ROBO2: variants seen among roughly 807,000 people sequenced by gnomAD.
ROBO2 encodes the protein roundabout homolog 2.
In ROBO2, 53 loss-of-function variants were observed where a neutral mutation model predicts 160.8. The ratio of observed to expected loss-of-function variants is 0.33; its 90% CI spans 0.26 to 0.41. The LOEUF (loss-of-function observed/expected upper bound fraction) is 0.41, where lower values mean the gene tolerates loss of function less well. Among genes scored for constraint, ROBO2 ranks in the 10% least tolerant of loss-of-function variants. The probability of loss-of-function intolerance (pLI) is 1.00; values close to 1 mark genes in which losing one functional copy is unlikely to be tolerated. For synonymous variants in ROBO2, 664 were observed against 611.7 expected, an observed-to-expected ratio of 1.09 and a Z score of -1.26; for missense variants, 1,577 against 1,722.4, an observed-to-expected ratio of 0.92 and a Z score of 1.49.
intron 2 of ROBO2, among the ~76,000 whole-genome samples, chr3:75,941,807 C>G (rs1948067888): frequency 6.6e-6 from 1 of 152,058 alleles, no homozygotes; most frequent in African/African-American, 2.4e-5. Flanking sequence ...CTTTGTTGTC[C>G]TATTTAGCAA....
At chr3:76,977,471 G>A (rs1222386430) in intron 2 of ROBO2, among the ~76,000 whole-genome samples, 2 of 152,032 alleles carry the variant, frequency 1.3e-5, no homozygotes, top group East Asian at 3.9e-4. Flanking sequence ...TTTTCTTTAT[G>A]GAAAACAATA....
intron 1 of ROBO2, among the ~76,000 whole-genome samples, chr3:77,047,010 G>A (rs999200893): frequency 2.0e-5 from 3 of 152,164 alleles, no homozygotes; most frequent in African/African-American, 7.2e-5. Context: ...AGAAGGAATA[G>A]GTGATTTCCA....
At chr3:77,514,635 A>G (rs570336252) in intron 5 of ROBO2, among the ~76,000 whole-genome samples, 9 of 151,886 alleles carry the variant, frequency 5.9e-5, no homozygotes, top group African/African-American at 1.7e-4. Context: ...CTGTGCAATT[A>G]TATGTAAAGC....
At chr3:76,448,419 A>G (rs969755766) in intron 2 of ROBO2, among the ~76,000 whole-genome samples, 1 of 152,134 alleles carries the variant, frequency 6.6e-6, no homozygotes, top group African/African-American at 2.4e-5. Flanking sequence ...TATGTCTGAG[A>G]TAATGAGCAC....
intron 2 of ROBO2, among the ~76,000 whole-genome samples, chr3:76,462,698 C>T (rs1313718936): frequency 6.6e-6 from 1 of 151,604 alleles, no homozygotes; most frequent in African/African-American, 2.4e-5. Flanking sequence ...TTTATTTCAG[C>T]TGGACTTTAT....
Position 76,924,077 on chromosome 3 carries a change from G to A in ROBO2, c.110-173937G>A, listed in dbSNP as rs150426390. ...GAATAAACTGCTTAAGAATTTGAGC[G>A]ACAGTATGTAGACCATCAAGTTGTA... On this transcript the variant is annotated intron_variant, in intron 2 of 26. Coordinates refer to the ROBO2 transcript ENST00000487694. Among the ~76,000 whole-genome samples the A allele has an allele frequency of 1.0e-3, 154 of 152,218 alleles. 2 individuals carry two copies. The highest frequency in any genetic ancestry group is 1.8e-4 in the Non-Finnish European group (12 of 68,022).
intron 2 of ROBO2, among the ~76,000 whole-genome samples, chr3:76,200,862 A>AC (rs5850238): frequency 0.045 from 6,797 of 152,214 alleles, 404 homozygotes; most frequent in East Asian, 0.22. Flanking sequence ...GAGCCAGCTC[A>AC]CACGTTAGAT....
chr3:76,661,255 A>G (rs757857141), intron 2 of ROBO2, among the ~76,000 whole-genome samples: 4 of 152,208 alleles, frequency 2.6e-5, no homozygotes, highest in South Asian at 2.1e-4. Context: ...GAAAGATTGA[A>G]CAAGAAATTT....
rs911084086 is a variant in ROBO2, at chr3:76,147,367, G to A, written c.109+209765G>A. The stretch of plus-strand genomic sequence containing the variant: ...TTGTTTATAATTTTTAATAATTAAG[G>A]AATCAATATTAATTATCTTATTAAT... On this transcript the variant is annotated intron_variant, in intron 2 of 26. Transcript: ENST00000487694. Among the ~76,000 whole-genome samples, 164 of 124,104 alleles carry A rather than the reference G, an allele frequency of 1.3e-3. 1 individual carries two copies. Among genetic ancestry groups the A allele is most frequent in the African/African-American group, 4.1e-3 (158 of 38,690 alleles). The allele number at this position is 124,104 out of a possible 152,430, so 81.4% of individuals were successfully genotyped here.
chr3:76,272,915 A>AAATATATATATTTATATAT (rs1559706265), intron 2 of ROBO2, among the ~76,000 whole-genome samples: 2 of 14,522 alleles, frequency 1.4e-4, no homozygotes, highest in African/African-American at 2.3e-4. Flanking sequence ...ATTTATATAT[A>AAATATATATATTTATATAT]AAATATATAT....
At chr3:77,146,355 C>G (rs909411499) in intron 2 of ROBO2, among the ~76,000 whole-genome samples, 19 of 152,066 alleles carry the variant, frequency 1.2e-4, no homozygotes, top group Non-Finnish European at 2.4e-4. Context: ...ACCCAGCGAG[C>G]AGGGAAACTG....
chr3:77,278,870 A>G (rs2060060194), intron 2 of ROBO2, among the ~76,000 whole-genome samples: 1 of 152,118 alleles, frequency 6.6e-6, no homozygotes, highest in South Asian at 2.1e-4. Context: ...TTAAATTCAA[A>G]CTCAGACTCT....
intron 2 of ROBO2, among the ~76,000 whole-genome samples, chr3:76,950,484 A>T (rs1050500539): frequency 6.6e-6 from 1 of 152,168 alleles, no homozygotes; most frequent in Non-Finnish European, 1.5e-5. Flanking sequence ...ACTTATTTCC[A>T]GTCAATTATA....
intron 2 of ROBO2, among the ~76,000 whole-genome samples, chr3:76,224,922 C>G (rs1245457063): frequency 6.6e-6 from 1 of 152,108 alleles, no homozygotes; most frequent in Non-Finnish European, 1.5e-5. Flanking sequence ...TAACTGTGAG[C>G]AATCTTTTTA....
chr3:76,602,494 A>G (rs559714787), intron 2 of ROBO2, among the ~76,000 whole-genome samples: 1 of 152,372 alleles, frequency 6.6e-6, no homozygotes, highest in South Asian at 2.1e-4. Context: ...GAGGCCTCAC[A>G]ATCATGGTGG....
At chr3:77,632,536 T>A in intron 23 of ROBO2, 5 of 1,535,794 alleles carry the variant, frequency 3.3e-6, no homozygotes, top group East Asian at 2.4e-5. Context: ...TAGTCATAGA[T>A]CTAGTGTAGG....
intron 2 of ROBO2, among the ~76,000 whole-genome samples, chr3:76,866,837 C>T (rs953886134): frequency 2.6e-5 from 4 of 152,074 alleles, no homozygotes; most frequent in Non-Finnish European, 2.9e-5. Context: ...AATCCACACT[C>T]GCTGTAAGTA....
chr3:76,203,316 A>T (rs916596254), intron 2 of ROBO2, among the ~76,000 whole-genome samples: 3 of 152,120 alleles, frequency 2.0e-5, no homozygotes, highest in Non-Finnish European at 4.4e-5. Flanking sequence ...AATTTATTCT[A>T]CTTTCTCACT....
intron 2 of ROBO2, among the ~76,000 whole-genome samples, chr3:76,207,033 G>A (rs576785844): frequency 6.6e-6 from 1 of 152,182 alleles, no homozygotes; most frequent in South Asian, 2.1e-4. Flanking sequence ...AATATGCAAG[G>A]TAATTTGTCA....
Sources: gnomAD v4.1 joint callset for allele counts (sites outside exome capture counted in the v4.1 genomes callset) on GRCh38, gnomAD v4.1.1 for gene constraint, MANE v1.5 for transcripts, NCBI Gene and HGNC (gene_info 2026-07-23, HGNC 2026-07-21) for gene names.